ANKS1B: variants seen among roughly 807,000 people sequenced by gnomAD.
The protein encoded by ANKS1B is ankyrin repeat and sterile alpha motif domain-containing protein 1B.
A neutral mutation model predicts 148.3 loss-of-function variants in ANKS1B; 36 were observed. The observed-to-expected ratio is 0.24, with a 90% CI of 0.19 to 0.32. The LOEUF (loss-of-function observed/expected upper bound fraction) is 0.32, where lower values mean the gene tolerates loss of function less well. Ranked by LOEUF, ANKS1B falls within the 10% of genes least tolerant of loss-of-function variation. The pLI is 1.00. For synonymous variants in ANKS1B, 542 were observed against 560.8 expected (o/e 0.97, Z 0.47); for missense variants, 1,157 against 1,542.6 (o/e 0.75, Z 4.19).
chr12:99,656,544 A>C (rs1195276185), intron 8 of ANKS1B, among the ~76,000 whole-genome samples: 1 of 152,190 alleles, frequency 6.6e-6, no homozygotes, highest in Non-Finnish European at 1.5e-5. Flanking sequence ...CAAGAGTAAG[A>C]AAAATCTGAG....
chr12:98,950,148 C>A (rs552367243), intron 17 of ANKS1B, among the ~76,000 whole-genome samples: 1 of 152,298 alleles, frequency 6.6e-6, no homozygotes, highest in East Asian at 1.9e-4. Flanking sequence ...AGTAGTAACT[C>A]CCAAGGGTTC....
At chr12:99,051,900 G>A (rs1017529680) in intron 17 of ANKS1B, among the ~76,000 whole-genome samples, 5 of 152,160 alleles carry the variant, frequency 3.3e-5, no homozygotes, top group Admixed American at 6.5e-5. Flanking sequence ...AATAAGCAAT[G>A]GCATGTAATG....
At chr12:98,958,916 AT>A (rs747427533) in intron 17 of ANKS1B, among the ~76,000 whole-genome samples, 1 of 152,210 alleles carries the variant, frequency 6.6e-6, no homozygotes, top group East Asian at 1.9e-4. Flanking sequence ...TAGGGAGACT[AT>A]CTTGATTATG....
chr12:99,607,571 A>T (rs1174606142), intron 9 of ANKS1B, among the ~76,000 whole-genome samples: 1 of 152,076 alleles, frequency 6.6e-6, no homozygotes, highest in Non-Finnish European at 1.5e-5. Context: ...AGCAGATCCT[A>T]CAGCTTTAAC....
chr12:99,463,502 G>A (rs2096026884), intron 10 of ANKS1B, among the ~76,000 whole-genome samples: 1 of 152,226 alleles, frequency 6.6e-6, no homozygotes. Context: ...CCTCACTTGG[G>A]AAGTGCAAGG....
intron 17 of ANKS1B, among the ~76,000 whole-genome samples, chr12:99,027,616 G>T (rs777377651): frequency 1.6e-4 from 25 of 152,214 alleles, no homozygotes; most frequent in Non-Finnish European, 3.5e-4. Flanking sequence ...TCAACTCCAT[G>T]GATGAGAAAT....
At chr12:99,890,570 G>T (rs12308679) in intron 1 of ANKS1B, among the ~76,000 whole-genome samples, 1 of 137,960 alleles carries the variant, frequency 7.2e-6, no homozygotes, top group African/African-American at 2.8e-5. Context: ...TCGCATTCAT[G>T]GTGTGTGTGT....
intron 14 of ANKS1B, among the ~76,000 whole-genome samples, chr12:99,189,401 T>A (rs978814402): frequency 2.6e-5 from 4 of 152,058 alleles, no homozygotes; most frequent in Non-Finnish European, 5.9e-5. Context: ...AAAAGAAAAT[T>A]TCAGGCCAAT....
chr12:99,050,750 G>T (rs1457870682), intron 17 of ANKS1B, among the ~76,000 whole-genome samples: 2 of 136,852 alleles, frequency 1.5e-5, no homozygotes, highest in African/African-American at 2.7e-5. Flanking sequence ...GGAGTGCAGT[G>T]GCGCGATCTC....
chr12:99,978,294 C>T (rs1004671730), intron 1 of ANKS1B, among the ~76,000 whole-genome samples: 29 of 152,190 alleles, frequency 1.9e-4, no homozygotes, highest in African/African-American at 6.8e-4. Flanking sequence ...GTAGTAGTCA[C>T]TGGCTGGCTG....
At chr12:99,839,389 A>G (rs934680622) in intron 1 of ANKS1B, among the ~76,000 whole-genome samples, 1 of 152,132 alleles carries the variant, frequency 6.6e-6, no homozygotes, top group Non-Finnish European at 1.5e-5. Context: ...AAGGTACTTC[A>G]CTTCATTAGA....
chr12:99,927,183 G>A (rs2094496586), intron 1 of ANKS1B, among the ~76,000 whole-genome samples: 1 of 152,122 alleles, frequency 6.6e-6, no homozygotes, highest in South Asian at 2.1e-4. Flanking sequence ...GCATCCTACT[G>A]ATACCTAATT....
intron 17 of ANKS1B, among the ~76,000 whole-genome samples, chr12:98,997,652 A>C (rs2153347740): frequency 6.6e-6 from 1 of 152,232 alleles, no homozygotes; most frequent in East Asian, 1.9e-4. Context: ...CGGCCTCTCA[A>C]AGTGCTGGAA....
chr12:99,468,810 G>A (rs1425785715), intron 10 of ANKS1B, among the ~76,000 whole-genome samples: 1 of 152,054 alleles, frequency 6.6e-6, no homozygotes, highest in Non-Finnish European at 1.5e-5. Flanking sequence ...GAGAGGATGT[G>A]GAGAAATAGG....
intron 15 of ANKS1B, among the ~76,000 whole-genome samples, chr12:99,140,431 G>A (rs1353126808): frequency 1.3e-5 from 2 of 152,142 alleles, no homozygotes; most frequent in South Asian, 4.1e-4. Flanking sequence ...AATATATTAT[G>A]AGGGTAAGAG....
chr12:99,351,854 G>A (rs2091457713), intron 12 of ANKS1B: 1 of 152,104 alleles, frequency 6.6e-6, no homozygotes, highest in Admixed American at 6.6e-5. Flanking sequence ...CCAGAGATTA[G>A]TACTGAGGTT....
chr12:99,737,237 C>T (rs550577542), intron 8 of ANKS1B, among the ~76,000 whole-genome samples: 16 of 152,172 alleles, frequency 1.1e-4, no homozygotes, highest in African/African-American at 2.6e-4. Context: ...CCTGCACCTT[C>T]GTGTTTATTA....
At chr12:99,424,642 CACACAT>C (rs1323789622) in intron 11 of ANKS1B, among the ~76,000 whole-genome samples, 1 of 148,462 alleles carries the variant, frequency 6.7e-6, no homozygotes, top group African/African-American at 2.6e-5. Flanking sequence ...CACACACACA[CACACAT>C]ACACACACAC....
At chr12:98,910,334 C>T (rs11109665) in intron 17 of ANKS1B, among the ~76,000 whole-genome samples, 1 of 152,248 alleles carries the variant, frequency 6.6e-6, no homozygotes, top group East Asian at 1.9e-4. Context: ...ACATTCAATA[C>T]ATGTTTGCTT....
Sources: allele counts gnomAD v4.1 joint callset (sites outside exome capture counted in the v4.1 genomes callset), GRCh38; gene constraint gnomAD v4.1.1; transcripts MANE v1.5; gene names NCBI Gene and HGNC (gene_info 2026-07-23, HGNC 2026-07-21).